The following DLGAP2 variants were observed in gnomAD, a reference collection of about 807,000 sequenced individuals.
The protein encoded by DLGAP2 is disks large-associated protein 2.
In DLGAP2, 26 loss-of-function variants were observed where a neutral mutation model predicts 100.3. That is an observed-to-expected ratio of 0.26 (90% CI 0.19 to 0.36). The LOEUF (loss-of-function observed/expected upper bound fraction) is 0.36. Ranked by LOEUF, DLGAP2 falls within the 10% of genes least tolerant of loss-of-function variation. DLGAP2 has a pLI of 1.00. For missense variants in DLGAP2, 1,858 were observed against 1,453.2 expected, an observed-to-expected ratio of 1.28 and a Z score of -4.53; for synonymous variants, 886 against 630.1, an observed-to-expected ratio of 1.41 and a Z score of -6.08.
chr8:1,196,991 G>C (rs1236995800), intron 2 of DLGAP2, among the ~76,000 whole-genome samples: 1 of 152,144 alleles, frequency 6.6e-6, no homozygotes, highest in Admixed American at 6.5e-5. Flanking sequence ...GATTAAGTCT[G>C]CGTTTGAAGG....
intron 3 of DLGAP2, among the ~76,000 whole-genome samples, chr8:1,328,451 G>A (rs535782742): frequency 1.9e-4 from 29 of 152,162 alleles, no homozygotes; most frequent in Non-Finnish European, 2.8e-4. Flanking sequence ...CCCGAGTAGC[G>A]GGATTATAGG....
At chr8:760,666 TC>T (rs1821057129) in intron 1 of DLGAP2, among the ~76,000 whole-genome samples, 2 of 152,230 alleles carry the variant, frequency 1.3e-5, no homozygotes, top group Admixed American at 6.5e-5. Flanking sequence ...TGGCATAGTT[TC>T]TTCTCTTTAT....
chr8:1,186,619 A>G lies in DLGAP2; in HGVS notation c.74-72232A>G, dbSNP rs530004037. Among the ~76,000 whole-genome samples, 32 of 151,840 alleles carry G rather than the reference A, an allele frequency of 2.1e-4. 1 individual carries two copies. The highest frequency in any genetic ancestry group is 7.5e-4 in the African/African-American group (31 of 41,372). On this transcript the variant is annotated intron_variant, in intron 2 of 14. Transcript: ENST00000637795. ...GGGGGGTGCGGTGTCTTCTGAGCTG[A>G]TACTCCACTCCGTTGTGAGTATCTG...
intron 3 of DLGAP2, among the ~76,000 whole-genome samples, chr8:1,363,764 C>G (rs1271108862): frequency 6.6e-6 from 1 of 152,240 alleles, no homozygotes; most frequent in East Asian, 1.9e-4. Flanking sequence ...TGCATCCTTG[C>G]TGTGTGGGAA....
intron 3 of DLGAP2, among the ~76,000 whole-genome samples, chr8:1,490,453 C>T (rs1375906638): frequency 6.6e-6 from 1 of 152,120 alleles, no homozygotes; most frequent in African/African-American, 2.4e-5. Flanking sequence ...TGTTAAAATG[C>T]CTGAAAAAGT....
At chr8:1,325,668 G>A (rs993496384) in intron 3 of DLGAP2, among the ~76,000 whole-genome samples, 4 of 152,178 alleles carry the variant, frequency 2.6e-5, no homozygotes, top group Admixed American at 1.3e-4. Flanking sequence ...AGTGATTGGC[G>A]GGGTTCTCAT....
chr8:1,557,023 C>G (rs1801988277), intron 5 of DLGAP2, among the ~76,000 whole-genome samples: 1 of 151,754 alleles, frequency 6.6e-6, no homozygotes, highest in Non-Finnish European at 1.5e-5. Flanking sequence ...CAGCGTTTCT[C>G]AAGCTCAGCA....
intron 3 of DLGAP2, among the ~76,000 whole-genome samples, chr8:1,418,412 A>T (rs1021227857): frequency 6.6e-6 from 1 of 152,202 alleles, no homozygotes; most frequent in Non-Finnish European, 1.5e-5. Flanking sequence ...TGATTCTGGC[A>T]TGTTTTTAAA....
intron 3 of DLGAP2, among the ~76,000 whole-genome samples, chr8:1,319,551 C>T (rs1800847588): frequency 6.6e-6 from 1 of 152,202 alleles, no homozygotes; most frequent in Admixed American, 6.5e-5. Flanking sequence ...TTAAAAGTCA[C>T]AATCACTGAT....
At chr8:1,003,906 A>G (rs192538564) in intron 2 of DLGAP2, among the ~76,000 whole-genome samples, 2 of 152,340 alleles carry the variant, frequency 1.3e-5, no homozygotes, top group East Asian at 3.9e-4. Context: ...TGTTTTTGTC[A>G]TCATGTTTCA....
intron 1 of DLGAP2, among the ~76,000 whole-genome samples, chr8:905,257 C>T (rs1401576145): frequency 5.9e-5 from 9 of 152,082 alleles, no homozygotes; most frequent in South Asian, 2.1e-4. Flanking sequence ...TCCCAGGGTG[C>T]AGTGAGTGGC....
At chr8:1,032,787 G>T (rs1353932988) in intron 2 of DLGAP2, 2 of 152,190 alleles carry the variant, frequency 1.3e-5, no homozygotes, top group African/African-American at 4.8e-5. Context: ...TGCCTGTGAC[G>T]CATCCCGTTG....
intron 1 of DLGAP2, among the ~76,000 whole-genome samples, chr8:831,075 T>G (rs1288699897): frequency 6.6e-6 from 1 of 151,992 alleles, no homozygotes; most frequent in Non-Finnish European, 1.5e-5. Flanking sequence ...TTTTTGTACT[T>G]TTAGTAAAGA....
At chr8:1,293,287 G>C (rs1800100987) in intron 3 of DLGAP2, among the ~76,000 whole-genome samples, 1 of 152,174 alleles carries the variant, frequency 6.6e-6, no homozygotes, top group Non-Finnish European at 1.5e-5. Flanking sequence ...CAGGAGTGGA[G>C]CATGGCCCCC....
At chr8:1,665,906 C>G (rs1451755066) in intron 8 of DLGAP2, among the ~76,000 whole-genome samples, 1 of 152,244 alleles carries the variant, frequency 6.6e-6, no homozygotes, top group Non-Finnish European at 1.5e-5. Context: ...CTCCTCACAT[C>G]TCCACCCGCG....
At chr8:1,546,283 G>A (rs1801531371) in intron 4 of DLGAP2, among the ~76,000 whole-genome samples, 1 of 152,220 alleles carries the variant, frequency 6.6e-6, no homozygotes, top group African/African-American at 2.4e-5. Flanking sequence ...ACTGTTTACT[G>A]TGAGAATATG....
intron 2 of DLGAP2, among the ~76,000 whole-genome samples, chr8:1,190,539 C>G (rs541558721): frequency 6.6e-6 from 1 of 152,168 alleles, no homozygotes; most frequent in Non-Finnish European, 1.5e-5. Context: ...CGCCTCTGGC[C>G]GCCCCGTCCT....
chr8:1,422,421 G>A (rs539788751), intron 3 of DLGAP2, among the ~76,000 whole-genome samples: 14 of 152,282 alleles, frequency 9.2e-5, no homozygotes, highest in South Asian at 2.1e-4. Flanking sequence ...GGAGAAAAGC[G>A]AAGATGGCCG....
At chr8:1,179,690 C>G (rs77135357) in intron 2 of DLGAP2, among the ~76,000 whole-genome samples, 12,018 of 152,078 alleles carry the variant, frequency 0.079, 1,401 homozygotes, top group African/African-American at 0.25. Flanking sequence ...ATTAAGCGAC[C>G]CTGGAATATC....
Sources: gnomAD v4.1 joint callset for allele counts (sites outside exome capture counted in the v4.1 genomes callset) on GRCh38, gnomAD v4.1.1 for gene constraint, MANE v1.5 for transcripts, NCBI Gene and HGNC (gene_info 2026-07-23, HGNC 2026-07-21) for gene names.